CLVS1: variants seen among roughly 807,000 people sequenced by gnomAD.
The protein encoded by CLVS1 is clavesin 1, also known as clavesin-1.
Under a neutral mutation model 33.1 loss-of-function variants are expected in CLVS1, and 10 were observed. The ratio of observed to expected loss-of-function variants is 0.30; its 90% CI spans 0.19 to 0.51. The LOEUF (loss-of-function observed/expected upper bound fraction) is 0.51, where lower values mean the gene tolerates loss of function less well. CLVS1 is among the 20% of genes least tolerant of loss of function. The pLI is 0.97. For missense variants in CLVS1, 343 were observed against 433.4 expected (o/e 0.79, Z 1.85); for synonymous variants, 163 against 166.1 (o/e 0.98, Z 0.14).
intron 1 of CLVS1, among the ~76,000 whole-genome samples, chr8:61,116,337 G>C (rs1404208534): frequency 6.6e-6 from 1 of 152,110 alleles, no homozygotes; most frequent in Non-Finnish European, 1.5e-5. Context: ...TCACTCTGAT[G>C]GTGGTTTCTT....
chr8:61,475,711 A>G (rs943632065), intron 5 of CLVS1, among the ~76,000 whole-genome samples: 2 of 152,058 alleles, frequency 1.3e-5, no homozygotes, highest in African/African-American at 4.8e-5. Flanking sequence ...TTGTCAGATG[A>G]GTAGGTTGCA....
At chr8:61,219,877 A>G (rs1808173228) in intron 2 of CLVS1, among the ~76,000 whole-genome samples, 1 of 151,938 alleles carries the variant, frequency 6.6e-6, no homozygotes. Flanking sequence ...TGTGGTTTTG[A>G]TTTGCATTTC....
At chr8:61,034,673 T>C in the CLVS1 span, among the ~76,000 whole-genome samples, 1 of 152,172 alleles carries the variant, frequency 6.6e-6, no homozygotes, top group Non-Finnish European at 1.5e-5. Flanking sequence ...GAACTTCCAC[T>C]TCAGCACTAT....
intron 3 of CLVS1, among the ~76,000 whole-genome samples, chr8:61,434,891 A>G (rs1816262145): frequency 6.6e-6 from 1 of 152,210 alleles, no homozygotes; most frequent in South Asian, 2.1e-4. Flanking sequence ...TCTCTATAGA[A>G]TGTGGATTTT....
chr8:61,357,238 A>G (rs1812750343), intron 2 of CLVS1, among the ~76,000 whole-genome samples: 1 of 152,178 alleles, frequency 6.6e-6, no homozygotes, highest in African/African-American at 2.4e-5. Context: ...AGGCTAAGCC[A>G]AAATTTAAGA....
chr8:61,454,049 A>T, intron 3 of CLVS1, 92 bp from the exon 4 acceptor site: 1 of 857,228 alleles, frequency 1.2e-6, no homozygotes, highest in Non-Finnish European at 2.0e-6. Context: ...CAGGCAGGAA[A>T]AACAGGTTGT....
intron 3 of CLVS1, among the ~76,000 whole-genome samples, chr8:61,378,645 G>C (rs1813744840): frequency 6.6e-6 from 1 of 152,138 alleles, no homozygotes; most frequent in Admixed American, 6.5e-5. Flanking sequence ...CAAGGATAGG[G>C]GCTCCACCAT....
At chr8:61,144,278 C>G (rs1806373153) in intron 2 of CLVS1, among the ~76,000 whole-genome samples, 1 of 152,066 alleles carries the variant, frequency 6.6e-6, no homozygotes, top group African/African-American at 2.4e-5. Context: ...TCGACTCCCG[C>G]TTTATGAGTG....
In CLVS1 at chr8:61,140,181, T is replaced by C. The variant is rs71525441; in HGVS notation, c.-152+8321T>C. Among the ~76,000 whole-genome samples the C allele has an allele frequency of 3.7e-3, 571 of 152,312 alleles. 2 individuals are homozygous for C. Among genetic ancestry groups the C allele is most frequent in the Admixed American group, 7.6e-3 (116 of 15,300 alleles). Reference sequence around the variant, plus strand: ...TTCCTTCAGACCCATTAAATAATGATTTTATCCTTGGGCGAAGGTTCCTTG... The same window carrying C: ...TTCCTTCAGACCCATTAAATAATGACTTTATCCTTGGGCGAAGGTTCCTTG... On this transcript the variant is annotated intron_variant, in intron 2 of 2. Transcript: ENST00000522621.
At chr8:61,062,670 A>C (rs1775138173) in intron 1 of CLVS1, among the ~76,000 whole-genome samples, 2 of 152,226 alleles carry the variant, frequency 1.3e-5, no homozygotes, top group Admixed American at 1.3e-4. Context: ...TTACGGCAGA[A>C]ACTTGAAAGT....
intron 2 of CLVS1, among the ~76,000 whole-genome samples, chr8:61,231,884 C>T (rs895819503): frequency 3.3e-5 from 5 of 152,074 alleles, no homozygotes; most frequent in Admixed American, 3.3e-4. Flanking sequence ...CTACACAATG[C>T]AGGAGTGGGG....
the CLVS1 span, among the ~76,000 whole-genome samples, chr8:61,005,542 G>T: frequency 0.088 from 13,373 of 152,140 alleles, 787 homozygotes; most frequent in South Asian, 0.17. Flanking sequence ...CAACTCCAGT[G>T]GCCCTGCACG....
chr8:61,319,475 C>G (rs1478211698), intron 2 of CLVS1, among the ~76,000 whole-genome samples: 1 of 152,194 alleles, frequency 6.6e-6, no homozygotes, highest in Non-Finnish European at 1.5e-5. Context: ...TAGGATTCCT[C>G]ACTTCCAGCT....
chr8:61,183,154 GA>G (rs1460471401), intron 2 of CLVS1, among the ~76,000 whole-genome samples: 8 of 151,160 alleles, frequency 5.3e-5, no homozygotes, highest in Non-Finnish European at 8.8e-5. Context: ...GGGCAGGGCG[GA>G]GGGGGGCAGG....
chr8:61,095,939 T>C (rs1226126938), intron 1 of CLVS1, among the ~76,000 whole-genome samples: 1 of 152,194 alleles, frequency 6.6e-6, no homozygotes, highest in East Asian at 1.9e-4. Flanking sequence ...CAAAAAAGAA[T>C]AGTAAACAAC....
chr8:61,227,230 C>T (rs567249854), intron 2 of CLVS1, among the ~76,000 whole-genome samples: 21 of 151,500 alleles, frequency 1.4e-4, no homozygotes, highest in African/African-American at 5.1e-4. Flanking sequence ...TGAATTAATT[C>T]TCATTAAGAA....
At chr8:61,043,588 C>A in the CLVS1 span, among the ~76,000 whole-genome samples, 1 of 152,218 alleles carries the variant, frequency 6.6e-6, no homozygotes, top group Non-Finnish European at 1.5e-5. Context: ...CAAATGCATT[C>A]TTTCCCATAA....
chr8:61,338,712 C>T (rs2129597952), intron 2 of CLVS1, among the ~76,000 whole-genome samples: 1 of 152,300 alleles, frequency 6.6e-6, no homozygotes, highest in African/African-American at 2.4e-5. Context: ...GTGGGAGCCA[C>T]ACACAGTTCT....
chr8:61,288,004 C>G lies in CLVS1; in HGVS notation c.-286C>G, dbSNP rs761531336. The G allele has an allele frequency of 4.8e-6, 2 of 420,378 alleles. No homozygotes were observed. The highest frequency in any genetic ancestry group is 4.0e-5 in the African/African-American group (2 of 49,384). 26.0% of individuals were successfully genotyped at this position (420,378 alleles called of 1,614,324 possible). On this transcript the variant is annotated 5_prime_UTR_variant, in exon 1 of 6. Coordinates refer to ENST00000325897, the MANE Select transcript of CLVS1 (RefSeq NM_173519.3). The stretch of plus-strand genomic sequence containing the variant: ...CAAAATCACAGCCCCTTGTGGAGCC[C>G]GAGCTCTCATTCACAGCTTTCTAGA...
Sources: allele counts gnomAD v4.1 joint callset (sites outside exome capture counted in the v4.1 genomes callset), GRCh38; gene constraint gnomAD v4.1.1; transcripts MANE v1.5; gene names NCBI Gene and HGNC (gene_info 2026-07-23, HGNC 2026-07-21).